The following TRPC4 variants were observed in gnomAD, a reference collection of about 807,000 sequenced individuals.
TRPC4 encodes the protein transient receptor potential cation channel subfamily C member 4.
A neutral mutation model predicts 99.4 loss-of-function variants in TRPC4; 49 were observed. That is an observed-to-expected ratio of 0.49 (90% CI 0.39 to 0.63). The LOEUF (loss-of-function observed/expected upper bound fraction) is 0.63. TRPC4 is among the 20% of genes least tolerant of loss of function. TRPC4 has a pLI of 0.00. For synonymous variants in TRPC4, 454 were observed against 425.9 expected (o/e 1.07, Z -0.81); for missense variants, 898 against 1,152.9 (o/e 0.78, Z 3.20).
intron 1 of TRPC4, among the ~76,000 whole-genome samples, chr13:37,807,498 T>A (rs651041): frequency 0.3 from 45,445 of 151,918 alleles, 6,949 homozygotes; most frequent in East Asian, 0.43. Flanking sequence ...ATCTGGGTCA[T>A]AATCATAATC....
intron 8 of TRPC4, among the ~76,000 whole-genome samples, chr13:37,648,184 A>G (rs933456485): frequency 6.6e-6 from 1 of 151,992 alleles, no homozygotes; most frequent in Non-Finnish European, 1.5e-5. Context: ...CTTGTGATCC[A>G]CCCACCTAGG....
chr13:37,691,539 A>G (rs1446307130), intron 4 of TRPC4, among the ~76,000 whole-genome samples: 1 of 152,202 alleles, frequency 6.6e-6, no homozygotes, highest in Non-Finnish European at 1.5e-5. Context: ...TGTTATTTTA[A>G]ATTAATATAG....
chr13:37,638,099 T>C (rs1951589726), intron 10 of TRPC4, among the ~76,000 whole-genome samples: 1 of 152,160 alleles, frequency 6.6e-6, no homozygotes, highest in Non-Finnish European at 1.5e-5. Context: ...AAAGAGGACC[T>C]TCCCCCTACA....
chr13:37,639,225 A>G, intron 9 of TRPC4, 33 bp downstream of exon 9: 1 of 1,613,486 alleles, frequency 6.2e-7, no homozygotes, highest in Non-Finnish European at 8.5e-7. Flanking sequence ...TATTTTAGTG[A>G]AAATTTCAAG....
intron 1 of TRPC4, among the ~76,000 whole-genome samples, chr13:37,794,507 G>A (rs1037512265): frequency 2.0e-5 from 3 of 152,016 alleles, no homozygotes; most frequent in Non-Finnish European, 2.9e-5. Flanking sequence ...CCCTGTTACC[G>A]GCAGTATTCA....
intron 1 of TRPC4, among the ~76,000 whole-genome samples, chr13:37,859,015 G>A (rs1415602): frequency 0.79 from 118,730 of 151,172 alleles, 46,807 homozygotes; most frequent in East Asian, 0.85. Context: ...TACTGACTGC[G>A]TGCCTGCATC....
At chr13:37,669,128 A>G (rs1403977605) in intron 5 of TRPC4, among the ~76,000 whole-genome samples, 1 of 152,196 alleles carries the variant, frequency 6.6e-6, no homozygotes, top group Non-Finnish European at 1.5e-5. Context: ...TGCTATAAAG[A>G]AAAGCCACAA....
chr13:37,765,942 C>T (rs1362781285), intron 2 of TRPC4, among the ~76,000 whole-genome samples: 2 of 150,632 alleles, frequency 1.3e-5, no homozygotes, highest in African/African-American at 2.4e-5. Flanking sequence ...AAAAACAAGT[C>T]CTTTAGAGAT....
intron 3 of TRPC4, among the ~76,000 whole-genome samples, chr13:37,704,953 T>A (rs558705646): frequency 5.3e-5 from 8 of 152,102 alleles, no homozygotes; most frequent in Non-Finnish European, 1.2e-4. Flanking sequence ...TAGGCATATA[T>A]CTATAAGAAG....
chr13:37,745,525 TATGTATATATACGTATATA>T (rs1450764749), intron 3 of TRPC4, among the ~76,000 whole-genome samples: 2,221 of 95,182 alleles, frequency 0.023, 28 homozygotes, highest in Non-Finnish European at 0.029. Context: ...TATACGTATA[TATGTATATATACGTATATA>T]TATATATATA....
intron 3 of TRPC4, among the ~76,000 whole-genome samples, chr13:37,702,339 A>G (rs1954126664): frequency 6.6e-6 from 1 of 152,206 alleles, no homozygotes; most frequent in South Asian, 2.1e-4. Context: ...TTTGCCAGAT[A>G]CAATTTAAAC....
chr13:37,646,820 G>A lies in TRPC4; in HGVS notation c.2079+4445C>T, dbSNP rs573492485. Among the ~76,000 whole-genome samples the A allele has an allele frequency of 1.7e-4, 26 of 152,296 alleles. 2 individuals are homozygous for A. The highest frequency in any genetic ancestry group is 6.3e-4 in the African/African-American group (26 of 41,578). On this transcript the variant is annotated intron_variant, in intron 8 of 10. Transcript: ENST00000379705. Reference sequence around the variant, plus strand: ...GCAATGTCAAAAACACAAGTTAAGAGTATGTTTCTTATTTGGATAGGCTGC... The same window carrying A: ...GCAATGTCAAAAACACAAGTTAAGAATATGTTTCTTATTTGGATAGGCTGC...
intron 1 of TRPC4, among the ~76,000 whole-genome samples, chr13:37,818,000 C>T (rs1280271304): frequency 1.3e-5 from 2 of 151,812 alleles, no homozygotes; most frequent in African/African-American, 2.4e-5. Context: ...ATGAAGATGT[C>T]AAAAGCAACT....
chr13:37,634,748 C>T lies in TRPC4; in HGVS notation c.*2155G>A, dbSNP rs9576325. On this transcript the variant is annotated 3_prime_UTR_variant, in exon 11 of 11. Coordinates refer to ENST00000379705, the MANE Select transcript of TRPC4 (RefSeq NM_016179.4). ...AAAAAGAAATTAATAGAAAATATCC[C>T]AAATATTAACAATAGGCCTACAATT... 3.0e-4 allele frequency among the ~76,000 whole-genome samples: 46 copies of T among 152,020 alleles called. No individual in the cohort carries two copies. In the East Asian group the frequency reaches 8.7e-3, roughly 29 times the overall value.
rs370638935 is a variant in TRPC4, at chr13:37,699,052, T to C, written c.898-6717A>G. Among the ~76,000 whole-genome samples, 41 of 152,266 alleles carry C rather than the reference T, an allele frequency of 2.7e-4. 2 individuals carry two copies. Among genetic ancestry groups the C allele is most frequent in the Admixed American group, 2.0e-3 (30 of 15,292 alleles). Reference sequence around the variant, plus strand: ...GCACATAAGCCTTAGAGAAATCCCATTGGGATTTGAATCTTGGATCTGCTG... The same window carrying C: ...GCACATAAGCCTTAGAGAAATCCCACTGGGATTTGAATCTTGGATCTGCTG... On this transcript the variant is annotated intron_variant, in intron 3 of 10. Coordinates refer to ENST00000379705, the MANE Select transcript of TRPC4 (RefSeq NM_016179.4).
intron 1 of TRPC4, among the ~76,000 whole-genome samples, chr13:37,869,122 C>A (rs1433759489): frequency 6.6e-6 from 1 of 152,134 alleles, no homozygotes; most frequent in Non-Finnish European, 1.5e-5. Flanking sequence ...ACATTGATCA[C>A]TCTCCTTCCT....
At chr13:37,824,551 T>C (rs61955675) in intron 1 of TRPC4, among the ~76,000 whole-genome samples, 42,689 of 150,726 alleles carry the variant, frequency 0.28, 6,143 homozygotes, top group East Asian at 0.42. Flanking sequence ...TTGTCTTTGG[T>C]TCTGTTTATA....
chr13:37,866,999 C>A (rs1959800782), intron 1 of TRPC4, among the ~76,000 whole-genome samples: 1 of 151,340 alleles, frequency 6.6e-6, no homozygotes, highest in Admixed American at 6.6e-5. Flanking sequence ...CCAATTGAGT[C>A]TAGGCAATTC....
rs1052933056 is a variant in TRPC4, at chr13:37,635,588, C to G, written c.*1315G>C. Among the ~76,000 whole-genome samples, 4 of 152,000 alleles carry G rather than the reference C, an allele frequency of 2.6e-5. No individual in the cohort carries two copies. The highest frequency in any genetic ancestry group is 7.2e-5 in the African/African-American group (3 of 41,408). ...AGAGTAATTTTTGAAATAAAATGAA[C>G]TTAGCATTTTTCTATTGATTTGAAA... On this transcript the variant is annotated 3_prime_UTR_variant, in exon 11 of 11. Transcript: ENST00000379705.
Sources: gnomAD v4.1 joint callset for allele counts (sites outside exome capture counted in the v4.1 genomes callset) on GRCh38, gnomAD v4.1.1 for gene constraint, MANE v1.5 for transcripts, NCBI Gene and HGNC (gene_info 2026-07-23, HGNC 2026-07-21) for gene names.